Variants in BMPR2 observed in about 807,000 individuals in gnomAD.
BMPR2 encodes bone morphogenetic protein receptor type-2.
In BMPR2, 29 loss-of-function variants were observed where a neutral mutation model predicts 100.8. That is an observed-to-expected ratio of 0.29 (90% CI 0.21 to 0.39). The LOEUF (loss-of-function observed/expected upper bound fraction) is 0.39. Among genes scored for constraint, BMPR2 ranks in the 10% least tolerant of loss-of-function variants. The pLI is 1.00. For missense variants in BMPR2, 1,011 were observed against 1,274.5 expected (o/e 0.79, Z 3.15); for synonymous variants, 382 against 442.3 (o/e 0.86, Z 1.71).
At chr2:202,529,828 A>T (rs1308049913) in intron 7 of BMPR2, among the ~76,000 whole-genome samples, 1 of 152,186 alleles carries the variant, frequency 6.6e-6, no homozygotes, top group South Asian at 2.1e-4. Context: ...GTGCCAAAAT[A>T]CAAATCCTCA....
chr2:202,441,341 A>G (rs528543409), intron 1 of BMPR2, among the ~76,000 whole-genome samples: 46 of 150,430 alleles, frequency 3.1e-4, no homozygotes, highest in Non-Finnish European at 6.0e-4. Flanking sequence ...GGATCAACGT[A>G]AGAGTGCAAT....
intron 1 of BMPR2, among the ~76,000 whole-genome samples, chr2:202,459,982 A>T (rs1250030664): frequency 1.3e-5 from 2 of 152,234 alleles, no homozygotes; most frequent in Non-Finnish European, 2.9e-5. Context: ...GAAGACATGC[A>T]TATGGCCAAC....
intron 3 of BMPR2, among the ~76,000 whole-genome samples, chr2:202,513,503 T>C (rs1687658918): frequency 6.6e-6 from 1 of 152,246 alleles, no homozygotes; most frequent in African/African-American, 2.4e-5. Flanking sequence ...CTTGGTGTTT[T>C]AGTGTTCCAA....
At chr2:202,545,075 T>A (rs1047277285) in intron 10 of BMPR2, among the ~76,000 whole-genome samples, 7 of 152,168 alleles carry the variant, frequency 4.6e-5, no homozygotes, top group East Asian at 3.9e-4. Context: ...TATTTTTTTT[T>A]AATTATTTCT....
chr2:202,391,818 GTGGCGCAATC>G (rs967260929), intron 1 of BMPR2, among the ~76,000 whole-genome samples: 2 of 151,426 alleles, frequency 1.3e-5, no homozygotes, highest in Non-Finnish European at 2.9e-5. Context: ...CTGGAGTGCA[GTGGCGCAATC>G]TTGGCTCACT....
At chr2:202,433,817 A>G (rs1691554627) in intron 1 of BMPR2, among the ~76,000 whole-genome samples, 1 of 150,478 alleles carries the variant, frequency 6.6e-6, no homozygotes, top group African/African-American at 2.5e-5. Flanking sequence ...CTGAGCCAGG[A>G]GAATTGCTTG....
chr2:202,481,377 C>G (rs1692657799), intron 3 of BMPR2, among the ~76,000 whole-genome samples: 1 of 152,196 alleles, frequency 6.6e-6, no homozygotes, highest in East Asian at 1.9e-4. Context: ...CAGGGTTTCA[C>G]CATGTTGGCC....
chr2:202,392,991 C>T (rs1198330528), intron 1 of BMPR2, among the ~76,000 whole-genome samples: 1 of 95,780 alleles, frequency 1.0e-5, no homozygotes, highest in Non-Finnish European at 2.2e-5. Context: ...AACTCCGTCT[C>T]AAAAAAAAAA....
At chr2:202,456,157 T>G (rs543196266) in intron 1 of BMPR2, among the ~76,000 whole-genome samples, 3 of 149,454 alleles carry the variant, frequency 2.0e-5, no homozygotes, top group African/African-American at 7.6e-5. Flanking sequence ...GGACACTATG[T>G]TTTTTTGTTT....
chr2:202,487,449 AT>A (rs1266064589), intron 3 of BMPR2, among the ~76,000 whole-genome samples: 1 of 152,244 alleles, frequency 6.6e-6, no homozygotes, highest in Non-Finnish European at 1.5e-5. Flanking sequence ...TCACTAATAA[AT>A]AATGATCAGA....
chr2:202,410,670 C>T (rs1286567268), intron 1 of BMPR2, among the ~76,000 whole-genome samples: 6 of 152,228 alleles, frequency 3.9e-5, no homozygotes, highest in Non-Finnish European at 7.4e-5. Flanking sequence ...AGTTCCACCT[C>T]CCGGGTTCAC....
intron 11 of BMPR2, among the ~76,000 whole-genome samples, chr2:202,554,439 C>G (rs964918799): frequency 6.6e-6 from 1 of 152,138 alleles, no homozygotes; most frequent in African/African-American, 2.4e-5. Flanking sequence ...TATAATTCAT[C>G]CCATAGTTAC....
chr2:202,511,019 A>C (rs1442090500), intron 3 of BMPR2, among the ~76,000 whole-genome samples: 1 of 150,018 alleles, frequency 6.7e-6, no homozygotes, highest in Non-Finnish European at 1.5e-5. Flanking sequence ...TAAAATTCAC[A>C]TAACTTAGAA....
chr2:202,386,172 A>G (rs1478809669), intron 1 of BMPR2, among the ~76,000 whole-genome samples: 1 of 152,146 alleles, frequency 6.6e-6, no homozygotes, highest in Non-Finnish European at 1.5e-5. Context: ...GATCTCATCC[A>G]GTTTTATGGC....
chr2:202,482,120 G>A (rs946390801), intron 3 of BMPR2, among the ~76,000 whole-genome samples: 5 of 152,162 alleles, frequency 3.3e-5, no homozygotes, highest in Admixed American at 2.0e-4. Context: ...TTAGCATAGT[G>A]TCATGAAGGT....
At chr2:202,378,733 T>C (rs1319527246) in intron 1 of BMPR2, among the ~76,000 whole-genome samples, 2 of 152,192 alleles carry the variant, frequency 1.3e-5, no homozygotes, top group South Asian at 2.1e-4. Flanking sequence ...AAAACTGATA[T>C]TTTAATATTT....
Position 202,377,319 on chromosome 2 carries a change from C to A in BMPR2, c.-156C>A. 1.3e-6 allele frequency: 1 copy of A among 748,050 alleles called. No homozygotes were observed. Among genetic ancestry groups the A allele is most frequent in the South Asian group, 1.5e-5 (1 of 68,574 alleles). The allele number at this position is 748,050 out of a possible 1,614,324, so 46.3% of individuals were successfully genotyped here. A position where few individuals can be genotyped will look rare whatever the true frequency, so the allele number is the denominator to read the frequency against. On this transcript the variant is annotated 5_prime_UTR_variant, in exon 1 of 13. Coordinates refer to ENST00000374580, the MANE Select transcript of BMPR2 (RefSeq NM_001204.7). ...CTGCAGCGGCATGAAAGCTCTGCAG[C>A]TAGGTCCTCTCATCAGCCATTTGTC... is the stretch of plus-strand genomic sequence containing the variant.
intron 7 of BMPR2, among the ~76,000 whole-genome samples, chr2:202,524,387 G>T (rs1687871778): frequency 6.7e-6 from 1 of 148,268 alleles, no homozygotes; most frequent in African/African-American, 2.5e-5. Flanking sequence ...ACAACTACCT[G>T]TTGGGTACTA....
chr2:202,459,366 A>G (rs1266861711), intron 1 of BMPR2, among the ~76,000 whole-genome samples: 2 of 152,226 alleles, frequency 1.3e-5, no homozygotes, highest in Non-Finnish European at 2.9e-5. Context: ...GTTCAGGGGT[A>G]CATGTGCAGG....
Sources: gnomAD v4.1 joint callset for allele counts (sites outside exome capture counted in the v4.1 genomes callset) on GRCh38, gnomAD v4.1.1 for gene constraint, MANE v1.5 for transcripts, NCBI Gene and HGNC (gene_info 2026-07-23, HGNC 2026-07-21) for gene names.